PTGER3: variants seen among roughly 807,000 people sequenced by gnomAD.
PTGER3 encodes the protein prostaglandin E2 receptor EP3 subtype.
In PTGER3, 22 loss-of-function variants were observed where a neutral mutation model predicts 34.7. The ratio of observed to expected loss-of-function variants is 0.63; its 90% CI spans 0.45 to 0.91. PTGER3 has a LOEUF of 0.91. PTGER3 is among the 40% of genes least tolerant of loss of function. The probability of loss-of-function intolerance (pLI) is 0.00; values close to 1 mark genes in which losing one functional copy is unlikely to be tolerated. For missense variants in PTGER3, 468 were observed against 519.4 expected (o/e 0.90, Z 0.96); for synonymous variants, 241 against 230.1 (o/e 1.05, Z -0.43).
intron 4 of PTGER3, among the ~76,000 whole-genome samples, chr1:70,903,871 C>G (rs761198328): frequency 6.6e-6 from 1 of 152,174 alleles, no homozygotes; most frequent in African/African-American, 2.4e-5. Context: ...TCAGTTTTCT[C>G]TTCTGTAAAA....
At chr1:70,938,110 G>T (rs1417764348) in intron 4 of PTGER3, among the ~76,000 whole-genome samples, 1 of 152,048 alleles carries the variant, frequency 6.6e-6, no homozygotes, top group African/African-American at 2.4e-5. Context: ...TTTGGTGGGG[G>T]GTGGGAGGTG....
downstream of PTGER3, chr1:70,950,981 C>T (rs1287624882): frequency 3.3e-5 from 5 of 152,186 alleles, no homozygotes; most frequent in African/African-American, 1.2e-4. Context: ...CTCCAAAGTG[C>T]TGGAATTACA....
At chr1:70,861,709 A>G (rs1384545618) in intron 4 of PTGER3, among the ~76,000 whole-genome samples, 1 of 152,046 alleles carries the variant, frequency 6.6e-6, no homozygotes, top group African/African-American at 2.4e-5. Flanking sequence ...AGCAAAAAAA[A>G]AAACAAAAAC....
downstream of PTGER3, among the ~76,000 whole-genome samples, chr1:70,968,207 A>G (rs1652724547): frequency 6.6e-6 from 1 of 152,228 alleles, no homozygotes. Context: ...ATTTCTTCCA[A>G]TGCAAAAGCT....
At chr1:71,045,196 C>T (rs2101009863) in intron 1 of PTGER3, among the ~76,000 whole-genome samples, 1 of 152,288 alleles carries the variant, frequency 6.6e-6, no homozygotes, top group Non-Finnish European at 1.5e-5. Flanking sequence ...AAGGTTTGTG[C>T]TCCAATCTAC....
chr1:71,031,063 A>G (rs1659368215), intron 1 of PTGER3, among the ~76,000 whole-genome samples: 1 of 152,230 alleles, frequency 6.6e-6, no homozygotes, highest in Non-Finnish European at 1.5e-5. Context: ...AAAGGTAACA[A>G]ACTCAAAAAT....
At chr1:70,853,646 G>A (rs765235239) in intron 4 of PTGER3, among the ~76,000 whole-genome samples, 26 of 152,194 alleles carry the variant, frequency 1.7e-4, no homozygotes, top group Non-Finnish European at 3.2e-4. Context: ...TTATGAAGGG[G>A]TAAAATAATA....
At chr1:71,012,024 A>T (rs960139000) in intron 2 of PTGER3, 96 of 1,410,726 alleles carry the variant, frequency 6.8e-5, no homozygotes, top group Non-Finnish European at 8.4e-5. Flanking sequence ...TTATTAATAT[A>T]TTTTCCTTTG....
chr1:70,936,504 T>C (rs1200555637), intron 4 of PTGER3, among the ~76,000 whole-genome samples: 1 of 152,116 alleles, frequency 6.6e-6, no homozygotes, highest in Non-Finnish European at 1.5e-5. Flanking sequence ...AAGTGTAAAG[T>C]CTGGATACTT....
intron 4 of PTGER3, among the ~76,000 whole-genome samples, chr1:70,922,287 A>T (rs1647606745): frequency 1.3e-5 from 2 of 152,190 alleles, no homozygotes; most frequent in Admixed American, 6.5e-5. Flanking sequence ...AAGCAAAATG[A>T]CTGGTTGTTT....
intron 1 of PTGER3, among the ~76,000 whole-genome samples, chr1:71,035,580 T>C (rs1659749880): frequency 6.6e-6 from 1 of 152,258 alleles, no homozygotes; most frequent in African/African-American, 2.4e-5. Context: ...TCTGATGCTC[T>C]ACCCATCTAA....
intron 4 of PTGER3, among the ~76,000 whole-genome samples, chr1:70,920,715 T>C (rs1300606074): frequency 1.3e-5 from 2 of 152,174 alleles, no homozygotes; most frequent in African/African-American, 4.8e-5. Flanking sequence ...TGAAAGAGCA[T>C]AGCATGTCCT....
intron 2 of PTGER3, chr1:71,006,604 CA>C: frequency 1.0e-6 from 1 of 978,788 alleles, no homozygotes; most frequent in Non-Finnish European, 1.2e-6. Context: ...GATAATAAAA[CA>C]AAGAAACATC....
At chr1:70,937,466 G>A (rs975936954) in intron 4 of PTGER3, among the ~76,000 whole-genome samples, 11 of 152,086 alleles carry the variant, frequency 7.2e-5, no homozygotes, top group African/African-American at 2.4e-4. Flanking sequence ...ATCAGCATAT[G>A]GACATAAATT....
Position 71,014,893 on chromosome 1 carries a change from A to T in PTGER3, c.898-2409T>A, listed in dbSNP as rs115764622. On this transcript the variant is annotated intron_variant, in intron 1 of 3. Transcript: ENST00000306666. ...CCCAGCTGTGATCAAATCCTCTCCAACTAGAAAATCATCAATGTCTTCCCA... is the reference window on the plus strand; with the variant it reads ...CCCAGCTGTGATCAAATCCTCTCCATCTAGAAAATCATCAATGTCTTCCCA... Among the ~76,000 whole-genome samples, 1,268 of 152,272 alleles carry T rather than the reference A, an allele frequency of 8.3e-3. 24 individuals are homozygous for T. The highest frequency in any genetic ancestry group is 0.029 in the African/African-American group (1,222 of 41,558).
intron 2 of PTGER3, among the ~76,000 whole-genome samples, chr1:70,994,612 C>G (rs1006184653): frequency 2.0e-5 from 3 of 151,988 alleles, no homozygotes; most frequent in Non-Finnish European, 4.4e-5. Context: ...TGTGCACCAC[C>G]ACGCCCGGCT....
chr1:71,038,935 A>T lies in PTGER3; in HGVS notation c.897+7746T>A, dbSNP rs558150723. 3.3e-5 allele frequency among the ~76,000 whole-genome samples: 5 copies of T among 152,320 alleles called. No homozygotes were observed. The South Asian group carries it at 1.0e-3, about 32-fold the overall frequency. On this transcript the variant is annotated intron_variant, in intron 1 of 3. Transcript: ENST00000306666. ...GAAGTTTGCAGAATGACTTGATCCT[A>T]GACAACAGTTAGATGCACAATTAGT...
chr1:70,901,930 G>A (rs1296627364), intron 4 of PTGER3, among the ~76,000 whole-genome samples: 1 of 152,022 alleles, frequency 6.6e-6, no homozygotes, highest in Non-Finnish European at 1.5e-5. Flanking sequence ...CAAAGCTCAG[G>A]GCAGAGATTT....
At chr1:71,040,189 GGGAAA>G (rs1298785487) in intron 1 of PTGER3, among the ~76,000 whole-genome samples, 6 of 151,226 alleles carry the variant, frequency 4.0e-5, no homozygotes, top group African/African-American at 7.3e-5. Flanking sequence ...GGGAAGGGAA[GGGAAA>G]GGAAAGGAAA....
Sources: allele counts gnomAD v4.1 joint callset (sites outside exome capture counted in the v4.1 genomes callset), GRCh38; gene constraint gnomAD v4.1.1; transcripts MANE v1.5; gene names NCBI Gene and HGNC (gene_info 2026-07-23, HGNC 2026-07-21).